KHDRBS2: variants seen among roughly 807,000 people sequenced by gnomAD.
KHDRBS2 encodes KH RNA binding domain containing, signal transduction associated 2, also known as KH domain-containing, RNA-binding, signal transduction-associated protein 2.
Under a neutral mutation model 44.3 loss-of-function variants are expected in KHDRBS2, and 26 were observed. The observed-to-expected ratio is 0.59, with a 90% CI of 0.43 to 0.81. KHDRBS2 has a LOEUF of 0.81. Among genes scored for constraint, KHDRBS2 ranks in the 40% least tolerant of loss-of-function variants. The pLI is 0.00. For synonymous variants in KHDRBS2, 194 were observed against 151.1 expected, an observed-to-expected ratio of 1.28 and a Z score of -2.08; for missense variants, 476 against 433.1, an observed-to-expected ratio of 1.10 and a Z score of -0.88.
At chr6:62,026,537 G>A (rs1416176602) in intron 3 of KHDRBS2, among the ~76,000 whole-genome samples, 7 of 151,492 alleles carry the variant, frequency 4.6e-5, no homozygotes, top group African/African-American at 1.7e-4. Context: ...GGCTCAAGCA[G>A]TCCTCCTACC....
In KHDRBS2 at chr6:61,721,160, C is replaced by T. The variant is rs543456760; in HGVS notation, c.893+11522G>A. Among the ~76,000 whole-genome samples the T allele has an allele frequency of 5.3e-4, 81 of 152,102 alleles. No homozygotes were observed. The South Asian group carries it at 7.3e-3, about 14-fold the overall frequency. ...TGTATCTCTGTTTTGGTACCAGTAC[C>T]ATGCTGTTTTGGTTACTGTAGCCTT... On this transcript the variant is annotated intron_variant, in intron 7 of 8. Transcript: ENST00000281156.
At chr6:62,210,346 T>C (rs1283823628) in intron 1 of KHDRBS2, among the ~76,000 whole-genome samples, 4 of 130,798 alleles carry the variant, frequency 3.1e-5, no homozygotes, top group Non-Finnish European at 3.4e-5. Context: ...TTTTTTTTTT[T>C]CAAGACGAAG....
At chr6:61,705,081 G>C (rs111523059) in intron 7 of KHDRBS2, among the ~76,000 whole-genome samples, 2 of 151,876 alleles carry the variant, frequency 1.3e-5, no homozygotes, top group African/African-American at 4.8e-5. Flanking sequence ...CATTTTGAAA[G>C]GTTTGTAAAA....
chr6:62,133,149 GCATTT>G (rs1326988975), intron 2 of KHDRBS2, among the ~76,000 whole-genome samples: 1 of 152,156 alleles, frequency 6.6e-6, no homozygotes, highest in Admixed American at 6.6e-5. Flanking sequence ...GAGAATGGAA[GCATTT>G]CTAGATTTTT....
chr6:61,771,305 CAT>C (rs1282448848), intron 6 of KHDRBS2, among the ~76,000 whole-genome samples: 1 of 152,124 alleles, frequency 6.6e-6, no homozygotes, highest in African/African-American at 2.4e-5. Flanking sequence ...CAGCTAACAT[CAT>C]AATGACAGGA....
At chr6:61,798,299 G>A (rs750790509) in intron 6 of KHDRBS2, among the ~76,000 whole-genome samples, 8 of 152,064 alleles carry the variant, frequency 5.3e-5, no homozygotes, top group Non-Finnish European at 1.0e-4. Context: ...CAGAATCAAA[G>A]AACCTCCTGC....
chr6:61,939,122 C>A (rs1811613428), intron 4 of KHDRBS2, among the ~76,000 whole-genome samples: 1 of 126,418 alleles, frequency 7.9e-6, no homozygotes, highest in African/African-American at 2.9e-5. Context: ...GGGTGGACCC[C>A]ACACCAAAAA....
intron 3 of KHDRBS2, among the ~76,000 whole-genome samples, chr6:61,979,132 T>A (rs1349350488): frequency 6.6e-6 from 1 of 152,084 alleles, no homozygotes; most frequent in Non-Finnish European, 1.5e-5. Context: ...TCAAAATCAT[T>A]TTGTACATAT....
intron 6 of KHDRBS2, among the ~76,000 whole-genome samples, chr6:61,749,014 T>TC (rs1354479877): frequency 4.0e-4 from 54 of 136,082 alleles, no homozygotes; most frequent in East Asian, 1.5e-3. Flanking sequence ...TCTTTCTTTT[T>TC]TTTTTTTTTT....
intron 4 of KHDRBS2, among the ~76,000 whole-genome samples, chr6:61,909,452 T>G (rs1334648288): frequency 6.6e-6 from 1 of 152,156 alleles, no homozygotes; most frequent in Non-Finnish European, 1.5e-5. Context: ...GCTACCAAAA[T>G]AAATTTTAAA....
the KHDRBS2 span, among the ~76,000 whole-genome samples, chr6:61,582,761 T>C: frequency 4.0e-5 from 6 of 151,690 alleles, no homozygotes; most frequent in South Asian, 1.0e-3. Flanking sequence ...ATATATATGG[T>C]TGCAGATTTG....
At chr6:61,599,100 AT>A in the KHDRBS2 span, among the ~76,000 whole-genome samples, 5 of 151,548 alleles carry the variant, frequency 3.3e-5, no homozygotes, top group South Asian at 8.4e-4. Context: ...CGTCCAGCTA[AT>A]TTTTTGTATT....
chr6:61,934,659 C>T (rs1401865225), intron 4 of KHDRBS2, among the ~76,000 whole-genome samples: 1 of 151,936 alleles, frequency 6.6e-6, no homozygotes, highest in Non-Finnish European at 1.5e-5. Flanking sequence ...TCATAATTTA[C>T]TATATTAGAA....
chr6:61,598,326 G>GC, the KHDRBS2 span, among the ~76,000 whole-genome samples: 1 of 151,968 alleles, frequency 6.6e-6, no homozygotes, highest in African/African-American at 2.4e-5. Flanking sequence ...ATAACATAAG[G>GC]CCCTTTATGG....
chr6:61,790,581 T>C (rs1444848903), intron 6 of KHDRBS2, among the ~76,000 whole-genome samples: 1 of 151,496 alleles, frequency 6.6e-6, no homozygotes, highest in Non-Finnish European at 1.5e-5. Flanking sequence ...GGGATGAGGT[T>C]ATTTATGGAT....
intron 1 of KHDRBS2, among the ~76,000 whole-genome samples, chr6:62,217,949 T>C (rs1368017608): frequency 6.6e-6 from 1 of 151,848 alleles, no homozygotes; most frequent in Non-Finnish European, 1.5e-5. Context: ...AAAAATCTTA[T>C]TAAAAGCAAC....
intron 1 of KHDRBS2, among the ~76,000 whole-genome samples, chr6:62,199,512 G>C (rs904738304): frequency 6.6e-6 from 1 of 152,016 alleles, no homozygotes; most frequent in African/African-American, 2.4e-5. Context: ...AAATACCTAG[G>C]AATCCAACTT....
chr6:61,772,926 T>G (rs1051783268), intron 6 of KHDRBS2, among the ~76,000 whole-genome samples: 1 of 152,176 alleles, frequency 6.6e-6, no homozygotes, highest in Non-Finnish European at 1.5e-5. Context: ...TTACTGAGAA[T>G]GATGATTTCC....
chr6:61,780,595 T>C (rs1252059581), intron 6 of KHDRBS2, among the ~76,000 whole-genome samples: 1 of 152,344 alleles, frequency 6.6e-6, no homozygotes, highest in East Asian at 1.9e-4. Flanking sequence ...TTCTACCACA[T>C]GTGACTAACA....
Sources: gnomAD v4.1 joint callset for allele counts (sites outside exome capture counted in the v4.1 genomes callset) on GRCh38, gnomAD v4.1.1 for gene constraint, MANE v1.5 for transcripts, NCBI Gene and HGNC (gene_info 2026-07-23, HGNC 2026-07-21) for gene names.